Variants in COLEC12 observed in about 807,000 individuals in gnomAD.
COLEC12 encodes collectin subfamily member 12, also known as collectin-12.
Under a neutral mutation model 71.1 loss-of-function variants are expected in COLEC12, and 33 were observed. The observed-to-expected ratio is 0.46, with a 90% CI of 0.35 to 0.62. COLEC12 has a LOEUF of 0.62. COLEC12 is among the 20% of genes least tolerant of loss of function. The probability of loss-of-function intolerance (pLI) is 0.00; values close to 1 mark genes in which losing one functional copy is unlikely to be tolerated. For missense variants in COLEC12, 765 were observed against 916.1 expected, an observed-to-expected ratio of 0.84 and a Z score of 2.13; for synonymous variants, 350 against 353.0, an observed-to-expected ratio of 0.99 and a Z score of 0.10.
chr18:337,915 CTCTG>C (rs994204313), intron 5 of COLEC12, among the ~76,000 whole-genome samples: 12 of 152,300 alleles, frequency 7.9e-5, no homozygotes, highest in African/African-American at 2.6e-4. Context: ...TCCCACCTCT[CTCTG>C]TCTTTTTTGG....
chr18:343,047 T>C (rs1431601460), intron 5 of COLEC12, among the ~76,000 whole-genome samples: 3 of 152,126 alleles, frequency 2.0e-5, no homozygotes, highest in African/African-American at 7.2e-5. Flanking sequence ...TCTCTTTCAC[T>C]CACTCCCCAC....
At chr18:424,810 A>C (rs1347773244) in intron 2 of COLEC12, among the ~76,000 whole-genome samples, 2 of 152,220 alleles carry the variant, frequency 1.3e-5, no homozygotes, top group East Asian at 3.9e-4. Context: ...GGGGACACAG[A>C]GGCAGAAACC....
At chr18:386,848 A>AT (rs555451229) in intron 2 of COLEC12, among the ~76,000 whole-genome samples, 49 of 150,566 alleles carry the variant, frequency 3.3e-4, no homozygotes, top group Middle Eastern at 3.4e-3. Context: ...TTTGATTTCA[A>AT]TTTTTTTTTT....
chr18:344,560 G>C (rs1253328561), intron 5 of COLEC12, among the ~76,000 whole-genome samples: 1 of 152,206 alleles, frequency 6.6e-6, no homozygotes, highest in African/African-American at 2.4e-5. Flanking sequence ...TTATCTTCCA[G>C]AGGTGGTCTT....
intron 8 of COLEC12, among the ~76,000 whole-genome samples, chr18:322,716 G>C (rs10853289): frequency 0.3 from 45,203 of 152,038 alleles, 7,190 homozygotes; most frequent in East Asian, 0.6. Flanking sequence ...ATCTGCAGCG[G>C]AGGGTGCTTC....
intron 5 of COLEC12, among the ~76,000 whole-genome samples, chr18:343,188 T>G (rs1914295857): frequency 6.6e-6 from 1 of 152,136 alleles, no homozygotes; most frequent in African/African-American, 2.4e-5. Flanking sequence ...GGCTGCCCCT[T>G]TGCTTCTGGG....
At chr18:385,096 T>G (rs1915315938) in intron 2 of COLEC12, among the ~76,000 whole-genome samples, 1 of 152,180 alleles carries the variant, frequency 6.6e-6, no homozygotes, top group African/African-American at 2.4e-5. Context: ...ATCCCTGTAC[T>G]TTCAGATGAA....
At chr18:440,107 G>A (rs1423111220) in intron 2 of COLEC12, among the ~76,000 whole-genome samples, 4 of 151,890 alleles carry the variant, frequency 2.6e-5, no homozygotes, top group Non-Finnish European at 5.9e-5. Context: ...AAGCCAGACA[G>A]AGAAGACGAA....
intron 2 of COLEC12, among the ~76,000 whole-genome samples, chr18:360,798 TAG>T (rs1364779261): frequency 1.3e-5 from 2 of 152,208 alleles, no homozygotes; most frequent in African/African-American, 4.8e-5. Context: ...CTTGTAAAAT[TAG>T]ACTCACTGAT....
chr18:490,385 T>A (rs1917599083), intron 1 of COLEC12, among the ~76,000 whole-genome samples: 1 of 152,174 alleles, frequency 6.6e-6, no homozygotes, highest in South Asian at 2.1e-4. Context: ...TTTTAGGCAT[T>A]AGCAGGTAAC....
At chr18:384,995 T>G (rs940283111) in intron 2 of COLEC12, among the ~76,000 whole-genome samples, 3 of 152,228 alleles carry the variant, frequency 2.0e-5, no homozygotes, top group African/African-American at 7.2e-5. Context: ...ATGGCCTTGC[T>G]GTGGCAGCTC....
intron 2 of COLEC12, among the ~76,000 whole-genome samples, chr18:462,019 T>C (rs1041724481): frequency 6.6e-6 from 1 of 152,226 alleles, no homozygotes; most frequent in South Asian, 2.1e-4. Context: ...TTAATACACA[T>C]CATCCCAGTA....
rs2143418022 is a variant in COLEC12 at position 327,351 on chromosome 18, C to T, written c.2063+4317G>A. ...ATCTGTGTTGGCCCTGCCAGTCTTT[C>T]TTTTGAAATTGTATTGGTGTGTGGA... On this transcript the variant is annotated intron_variant, in intron 8 of 9. Coordinates refer to ENST00000400256, the MANE Select transcript of COLEC12 (RefSeq NM_130386.3). This position sits in a 1 kb window ranked among gnomAD's most constrained non-coding sequence, Gnocchi z 4.0. Among the ~76,000 whole-genome samples the T allele has an allele frequency of 6.6e-6, 1 of 152,270 alleles. No homozygotes were observed. Among genetic ancestry groups the T allele is most frequent in the Admixed American group, 6.5e-5 (1 of 15,290 alleles).
intron 3 of COLEC12, among the ~76,000 whole-genome samples, chr18:349,406 T>A (rs1914458299): frequency 6.6e-6 from 1 of 152,230 alleles, no homozygotes; most frequent in South Asian, 2.1e-4. Context: ...TTTCAGAGGA[T>A]GTATGGGAAC....
At chr18:440,364 CACACACACACACAT>C (rs1916492767) in intron 2 of COLEC12, among the ~76,000 whole-genome samples, 1 of 94,810 alleles carries the variant, frequency 1.1e-5, no homozygotes, top group Non-Finnish European at 2.2e-5. Context: ...GTTCTCAACA[CACACACACACACAT>C]ACACACACAC....
chr18:483,623 G>A (rs1917465939), intron 1 of COLEC12, among the ~76,000 whole-genome samples: 1 of 152,150 alleles, frequency 6.6e-6, no homozygotes, highest in South Asian at 2.1e-4. Flanking sequence ...CTACAACCAA[G>A]AGAACAGCAT....
intron 2 of COLEC12, among the ~76,000 whole-genome samples, chr18:357,869 C>T (rs1914661865): frequency 6.6e-6 from 1 of 152,166 alleles, no homozygotes; most frequent in Admixed American, 6.5e-5. Flanking sequence ...AATTCCCGGG[C>T]CATGGACTGG....
At chr18:420,961 G>A (rs1423599330) in intron 2 of COLEC12, among the ~76,000 whole-genome samples, 5 of 152,104 alleles carry the variant, frequency 3.3e-5, no homozygotes, top group Admixed American at 6.5e-5. Context: ...CAAGCAACTA[G>A]GGACCACATC....
At chr18:339,149 T>G (rs1914187487) in intron 5 of COLEC12, among the ~76,000 whole-genome samples, 1 of 152,164 alleles carries the variant, frequency 6.6e-6, no homozygotes. Flanking sequence ...TGGGGGGAGC[T>G]GTATTTCTTC....
Sources: gnomAD v4.1 joint callset for allele counts (sites outside exome capture counted in the v4.1 genomes callset) on GRCh38, gnomAD v4.1.1 for gene constraint, Gnocchi (gnomAD v3.1) non-coding constraint, MANE v1.5 for transcripts, NCBI Gene and HGNC (gene_info 2026-07-23, HGNC 2026-07-21) for gene names.